The following CDH4 variants were observed in gnomAD, a reference collection of about 807,000 sequenced individuals.
CDH4 encodes cadherin-4.
Under a neutral mutation model 86.0 loss-of-function variants are expected in CDH4, and 33 were observed. The observed-to-expected ratio is 0.38, with a 90% CI of 0.29 to 0.51. The LOEUF is 0.51. Among genes scored for constraint, CDH4 ranks in the 20% least tolerant of loss-of-function variants. The pLI is 0.86. For missense variants in CDH4, 1,114 were observed against 1,307.4 expected (o/e 0.85, Z 2.28); for synonymous variants, 555 against 549.4 (o/e 1.01, Z -0.14).
At chr20:61,842,339 T>C (rs973932254) in intron 4 of CDH4, among the ~76,000 whole-genome samples, 2 of 152,202 alleles carry the variant, frequency 1.3e-5, no homozygotes, top group Non-Finnish European at 2.9e-5. Flanking sequence ...CTGTGTGTCA[T>C]CAGAATTCAG....
At chr20:61,881,552 G>A (rs562935653) in intron 7 of CDH4, among the ~76,000 whole-genome samples, 1 of 152,342 alleles carries the variant, frequency 6.6e-6, no homozygotes, top group Non-Finnish European at 1.5e-5. Flanking sequence ...TCAATTAGTC[G>A]ACCGCTGTTC....
intron 2 of CDH4, among the ~76,000 whole-genome samples, chr20:61,402,615 T>C (rs543541627): frequency 3.9e-5 from 6 of 152,182 alleles, no homozygotes; most frequent in Non-Finnish European, 7.3e-5. Context: ...GGTCTCAAAC[T>C]CTTGACCTCA....
At chr20:61,871,318 C>T (rs73915121) in intron 6 of CDH4, among the ~76,000 whole-genome samples, 2,073 of 152,196 alleles carry the variant, frequency 0.014, 47 homozygotes, top group African/African-American at 0.045. Flanking sequence ...CATTGTTTTC[C>T]AGCTTCCATC....
chr20:61,566,922 C>T (rs140827237), intron 2 of CDH4, among the ~76,000 whole-genome samples: 3 of 152,290 alleles, frequency 2.0e-5, no homozygotes, highest in African/African-American at 4.8e-5. Context: ...GTCTTCCTCC[C>T]AGTGTCTTCA....
intron 2 of CDH4, among the ~76,000 whole-genome samples, chr20:61,413,650 G>A (rs1261701944): frequency 3.3e-5 from 5 of 152,202 alleles, no homozygotes; most frequent in African/African-American, 1.2e-4. Context: ...TGGCGCTGGC[G>A]GTTGGATGGG....
intron 5 of CDH4, among the ~76,000 whole-genome samples, chr20:61,847,863 G>A (rs1225547216): frequency 2.6e-5 from 4 of 152,118 alleles, no homozygotes; most frequent in Non-Finnish European, 5.9e-5. Flanking sequence ...AAGAATTCAC[G>A]TGTTACCACA....
intron 2 of CDH4, among the ~76,000 whole-genome samples, chr20:61,443,874 C>T (rs1295228994): frequency 6.7e-6 from 1 of 150,176 alleles, no homozygotes; most frequent in African/African-American, 2.5e-5. Context: ...GTGTCTATAT[C>T]TCTGTGTGTC....
chr20:61,730,894 C>T (rs755544589), intron 2 of CDH4, among the ~76,000 whole-genome samples: 54 of 145,882 alleles, frequency 3.7e-4, no homozygotes, highest in Non-Finnish European at 6.0e-4. Flanking sequence ...CTGAGCTGGG[C>T]GGCGGGGTCT....
chr20:61,596,761 G>A (rs563010659), intron 2 of CDH4, among the ~76,000 whole-genome samples: 1 of 152,194 alleles, frequency 6.6e-6, no homozygotes, highest in African/African-American at 2.4e-5. Flanking sequence ...TCCTCCGTGG[G>A]GCTGCCCTGG....
In CDH4 at chr20:61,743,505, T is replaced by G. The variant is rs2297193; in HGVS notation, c.170-58T>G. 35 of 1,379,388 alleles carry G rather than the reference T, an allele frequency of 2.5e-5. No individual in the cohort carries two copies. The African/African-American group carries it at 5.0e-4, about 20-fold the overall frequency. The allele number at this position is 1,379,388 out of a possible 1,614,324, so 85.4% of individuals were successfully genotyped here. The stretch of plus-strand genomic sequence containing the variant: ...AGGGCGTCCTGCGTGGTTGCTGCCA[T>G]TGTTACCGCCCTTCTGCTGGCCAAG... On this transcript the variant is annotated intron_variant, in intron 2 of 15. Coordinates refer to ENST00000614565, the MANE Select transcript of CDH4 (RefSeq NM_001794.5).
intron 2 of CDH4, among the ~76,000 whole-genome samples, chr20:61,363,452 C>T (rs1182330695): frequency 6.6e-6 from 1 of 150,712 alleles, no homozygotes; most frequent in South Asian, 2.2e-4. Context: ...CACAAACACA[C>T]ACACACACCT....
At chr20:61,588,914 T>C (rs1274685147) in intron 2 of CDH4, among the ~76,000 whole-genome samples, 1 of 152,260 alleles carries the variant, frequency 6.6e-6, no homozygotes, top group Non-Finnish European at 1.5e-5. Context: ...TTTCATCTTC[T>C]GTACCGCTCC....
intron 2 of CDH4, among the ~76,000 whole-genome samples, chr20:61,494,129 C>T (rs1354775456): frequency 6.6e-6 from 1 of 152,206 alleles, no homozygotes; most frequent in African/African-American, 2.4e-5. Context: ...TGGGGCCGAG[C>T]CGGGCTGGGT....
At chr20:61,841,967 C>T (rs929227036) in intron 4 of CDH4, among the ~76,000 whole-genome samples, 1 of 152,146 alleles carries the variant, frequency 6.6e-6, no homozygotes, top group African/African-American at 2.4e-5. Flanking sequence ...GCACCTCACT[C>T]CTGCACGTAG....
At chr20:61,507,480 G>C (rs1348916518) in intron 2 of CDH4, among the ~76,000 whole-genome samples, 1 of 152,194 alleles carries the variant, frequency 6.6e-6, no homozygotes, top group Admixed American at 6.5e-5. Context: ...GAAGTTTGCT[G>C]TACTTTGCAG....
At chr20:61,615,966 G>A (rs566421144) in intron 2 of CDH4, among the ~76,000 whole-genome samples, 4 of 152,322 alleles carry the variant, frequency 2.6e-5, no homozygotes, top group African/African-American at 4.8e-5. Context: ...AGAGCAGAGC[G>A]GGCCCCCGTG....
intron 9 of CDH4, among the ~76,000 whole-genome samples, chr20:61,918,877 A>C: frequency 6.6e-6 from 1 of 151,994 alleles, no homozygotes; most frequent in Admixed American, 6.6e-5. Flanking sequence ...TATTTAGGCA[A>C]TTTTATTTTT....
intron 2 of CDH4, among the ~76,000 whole-genome samples, chr20:61,583,649 A>C (rs563590805): frequency 3.9e-5 from 6 of 152,260 alleles, no homozygotes; most frequent in African/African-American, 1.4e-4. Flanking sequence ...ATCTCTCTCC[A>C]CTTTCCTCGT....
intron 2 of CDH4, among the ~76,000 whole-genome samples, chr20:61,395,761 CAG>C (rs2085013374): frequency 6.6e-6 from 1 of 152,188 alleles, no homozygotes; most frequent in South Asian, 2.1e-4. Context: ...GCCCGGGAAA[CAG>C]GGAGACTCTG....
Sources: allele counts gnomAD v4.1 joint callset (sites outside exome capture counted in the v4.1 genomes callset), GRCh38; gene constraint gnomAD v4.1.1; transcripts MANE v1.5; gene names NCBI Gene and HGNC (gene_info 2026-07-23, HGNC 2026-07-21).